PPFIA2: variants seen among roughly 807,000 people sequenced by gnomAD.
PPFIA2 encodes liprin-alpha-2.
Under a neutral mutation model 175.5 loss-of-function variants are expected in PPFIA2, and 46 were observed. That is an observed-to-expected ratio of 0.26 (90% CI 0.21 to 0.34). The LOEUF (loss-of-function observed/expected upper bound fraction) is 0.34. Among genes scored for constraint, PPFIA2 ranks in the 10% least tolerant of loss-of-function variants. The probability of loss-of-function intolerance (pLI) is 1.00; values close to 1 mark genes in which losing one functional copy is unlikely to be tolerated. For missense variants in PPFIA2, 1,179 were observed against 1,506.1 expected (o/e 0.78, Z 3.60); for synonymous variants, 568 against 511.4 (o/e 1.11, Z -1.49).
chr12:81,334,984 C>A (rs1330797323), intron 21 of PPFIA2, among the ~76,000 whole-genome samples: 1 of 152,116 alleles, frequency 6.6e-6, no homozygotes, highest in Non-Finnish European at 1.5e-5. Context: ...AGTACACAGC[C>A]TTTGGTGTCC....
chr12:81,540,320 T>C (rs1026087657), intron 4 of PPFIA2, among the ~76,000 whole-genome samples: 1 of 152,078 alleles, frequency 6.6e-6, no homozygotes, highest in Non-Finnish European at 1.5e-5. Context: ...GAAAGAGCTA[T>C]GTTTTATATC....
chr12:81,313,942 G>A (rs1422419339), intron 22 of PPFIA2, among the ~76,000 whole-genome samples: 4 of 151,756 alleles, frequency 2.6e-5, no homozygotes, highest in Non-Finnish European at 5.9e-5. Flanking sequence ...GATAAAATAT[G>A]AAAATAAACA....
intron 4 of PPFIA2, among the ~76,000 whole-genome samples, chr12:81,498,365 C>A (rs2060245881): frequency 1.3e-5 from 2 of 152,152 alleles, no homozygotes; most frequent in East Asian, 3.9e-4. Context: ...CATCAGGTCT[C>A]CTTAGTCTCA....
intron 3 of PPFIA2, among the ~76,000 whole-genome samples, chr12:81,710,315 CACACAT>C (rs907254046): frequency 2.6e-5 from 4 of 151,972 alleles, no homozygotes; most frequent in Non-Finnish European, 5.9e-5. Flanking sequence ...CTCACACACA[CACACAT>C]ACACACACAC....
chr12:81,259,622 G>A lies in PPFIA2; in HGVS notation c.*72C>T, dbSNP rs1169095178. The A allele has an allele frequency of 3.9e-6, 6 of 1,531,862 alleles. No homozygotes were observed. The highest frequency in any genetic ancestry group is 5.2e-6 in the Non-Finnish European group (6 of 1,143,318). The allele number at this position is 1,531,862 out of a possible 1,614,324, so 94.9% of individuals were successfully genotyped here. The stretch of plus-strand genomic sequence containing the variant: ...TTTTCACTGCTCGTCTTCTTAGATG[G>A]TAGTGCACTTTAGGTAGAGTAGACT... On this transcript the variant is annotated 3_prime_UTR_variant, in exon 33 of 33. Transcript: ENST00000549396.
chr12:81,267,206 T>C, intron 29 of PPFIA2, 186 bp from the exon 30 acceptor site: 1 of 582,012 alleles, frequency 1.7e-6, no homozygotes, highest in Non-Finnish European at 3.1e-6. Flanking sequence ...GGCTTTTTTT[T>C]TTTTTTCTGT....
intron 9 of PPFIA2, chr12:81,377,906 A>G (rs1386142992): frequency 6.6e-6 from 1 of 152,164 alleles, no homozygotes; most frequent in Non-Finnish European, 1.5e-5. Flanking sequence ...ATGTGCAAAT[A>G]AGATTTTGTT....
At chr12:81,710,772 C>T (rs2077797623) in intron 3 of PPFIA2, among the ~76,000 whole-genome samples, 1 of 151,658 alleles carries the variant, frequency 6.6e-6, no homozygotes, top group South Asian at 2.1e-4. Context: ...TGCAACCTGT[C>T]ACATGAGGTC....
At chr12:81,390,204 T>C (rs535686288) in intron 8 of PPFIA2, among the ~76,000 whole-genome samples, 1 of 152,222 alleles carries the variant, frequency 6.6e-6, no homozygotes, top group South Asian at 2.1e-4. Context: ...GACATTAACG[T>C]TGTGTCCACC....
At chr12:81,570,686 A>T (rs2072352589) in intron 4 of PPFIA2, among the ~76,000 whole-genome samples, 1 of 149,680 alleles carries the variant, frequency 6.7e-6, no homozygotes, top group Non-Finnish European at 1.5e-5. Context: ...TTTAAAAAAT[A>T]ATTTTATAAT....
intron 4 of PPFIA2, among the ~76,000 whole-genome samples, chr12:81,536,663 T>C (rs2065427596): frequency 1.3e-5 from 2 of 148,186 alleles, no homozygotes; most frequent in South Asian, 2.1e-4. Context: ...ATTGAGTTTA[T>C]TGCAGATTAT....
intron 4 of PPFIA2, among the ~76,000 whole-genome samples, chr12:81,571,685 C>G (rs1215024650): frequency 6.6e-6 from 1 of 152,126 alleles, no homozygotes; most frequent in Non-Finnish European, 1.5e-5. Context: ...GTAAAATAAT[C>G]TCATTCCTTG....
chr12:81,375,873 T>C lies in PPFIA2; in HGVS notation c.1054A>G (p.Arg352Gly). ...TLEKRYLSAQ[R>G]ESTSIHDMND... is the part of the protein sequence containing the mutation. ...ATGTCATGTATGGAGGTAGATTCTC[T>C]CTGAGCACTGAGGTAACGCTTTTCA... Residue 352 changes from arginine (R) to glycine (G), a missense_variant, in exon 10 of 33, where the codon AGA becomes GGA. Coordinates refer to ENST00000549396, the MANE Select transcript of PPFIA2 (RefSeq NM_003625.5). 6.2e-7 allele frequency: 1 copy of C among 1,611,324 alleles called. No individual in the cohort carries two copies. Among genetic ancestry groups the C allele is most frequent in the Non-Finnish European group, 8.5e-7 (1 of 1,177,576 alleles).
chr12:81,701,126 C>T (rs961761887), intron 3 of PPFIA2, among the ~76,000 whole-genome samples: 2 of 152,078 alleles, frequency 1.3e-5, no homozygotes, highest in African/African-American at 4.8e-5. Flanking sequence ...GGCAAATTAG[C>T]CTCTGTGAAC....
intron 8 of PPFIA2, among the ~76,000 whole-genome samples, chr12:81,397,656 A>G (rs1167892529): frequency 6.6e-6 from 1 of 151,918 alleles, no homozygotes; most frequent in Non-Finnish European, 1.5e-5. Flanking sequence ...AGTTAGGGAA[A>G]CTTTGTATAT....
intron 22 of PPFIA2, among the ~76,000 whole-genome samples, chr12:81,300,234 T>C (rs2047481401): frequency 6.6e-6 from 1 of 152,174 alleles, no homozygotes; most frequent in African/African-American, 2.4e-5. Flanking sequence ...CAAATTGATA[T>C]ATACTTGGCC....
chr12:81,417,585 T>C (rs2045532651), intron 7 of PPFIA2, among the ~76,000 whole-genome samples: 1 of 151,748 alleles, frequency 6.6e-6, no homozygotes, highest in Non-Finnish European at 1.5e-5. Context: ...ATTTAGTTCC[T>C]TTCTTAGAAA....
intron 4 of PPFIA2, among the ~76,000 whole-genome samples, chr12:81,566,486 T>G (rs754338938): frequency 3.4e-5 from 4 of 118,148 alleles, no homozygotes; most frequent in Admixed American, 1.3e-4. Context: ...ATTGTGCCAC[T>G]ACACTCCAGC....
At chr12:81,497,556 T>TGG (rs750919570) in intron 4 of PPFIA2, among the ~76,000 whole-genome samples, 81 of 142,084 alleles carry the variant, frequency 5.7e-4, no homozygotes, top group African/African-American at 1.0e-3. Flanking sequence ...TTTTTTTTTT[T>TGG]GGGGCAGAGT....
Sources: allele counts gnomAD v4.1 joint callset (sites outside exome capture counted in the v4.1 genomes callset), GRCh38; gene constraint gnomAD v4.1.1; transcripts MANE v1.5; gene names NCBI Gene and HGNC (gene_info 2026-07-23, HGNC 2026-07-21).